ITPR2: variants seen among roughly 807,000 people sequenced by gnomAD.
ITPR2 encodes inositol 1,4,5-trisphosphate-gated calcium channel ITPR2.
Under a neutral mutation model 317.1 loss-of-function variants are expected in ITPR2, and 207 were observed. That is an observed-to-expected ratio of 0.65 (90% CI 0.58 to 0.73). The LOEUF is 0.73. Among genes scored for constraint, ITPR2 ranks in the 30% least tolerant of loss-of-function variants. The pLI is 0.00. For synonymous variants in ITPR2, 1,156 were observed against 1,149.1 expected (o/e 1.01, Z -0.12); for missense variants, 2,613 against 3,284.0 (o/e 0.80, Z 4.99).
chr12:26,794,274 C>A (rs1565771476), intron 1 of ITPR2, among the ~76,000 whole-genome samples: 1 of 152,104 alleles, frequency 6.6e-6, no homozygotes, highest in Non-Finnish European at 1.5e-5. Flanking sequence ...AGTGTAATAT[C>A]TACATGAAAA....
At chr12:26,620,977 T>G in intron 26 of ITPR2, 146 bp downstream of exon 26, 2 of 665,922 alleles carry the variant, frequency 3.0e-6, no homozygotes, top group South Asian at 4.3e-5. Flanking sequence ...CGGAGTTAAT[T>G]GACAACTTAG....
intron 54 of ITPR2, among the ~76,000 whole-genome samples, chr12:26,397,924 G>C (rs868410404): frequency 4.6e-5 from 7 of 152,012 alleles, no homozygotes; most frequent in African/African-American, 1.7e-4. Flanking sequence ...CAGCTACAAA[G>C]ACAACTGAAG....
chr12:26,765,163 G>A (rs142855426), intron 2 of ITPR2, among the ~76,000 whole-genome samples: 27 of 152,058 alleles, frequency 1.8e-4, no homozygotes, highest in Non-Finnish European at 2.5e-4. Flanking sequence ...AAAATAGCCC[G>A]TATTTTCTAT....
chr12:26,672,542 T>C lies in ITPR2; in HGVS notation c.1410-6491A>G, dbSNP rs1477561238. Among the ~76,000 whole-genome samples, 5 of 149,440 alleles carry C rather than the reference T, an allele frequency of 3.3e-5. 1 individual carries two copies. Among genetic ancestry groups the C allele is most frequent in the African/African-American group, 4.9e-5 (2 of 40,620 alleles). Reference sequence around the variant, plus strand: ...AACATACCAGAATCTCTGGGACACATTCAAAGCAGTGTGTAGAGGGAAATT... The same window carrying C: ...AACATACCAGAATCTCTGGGACACACTCAAAGCAGTGTGTAGAGGGAAATT... On this transcript the variant is annotated intron_variant, in intron 13 of 56. Coordinates refer to ENST00000381340, the MANE Select transcript of ITPR2 (RefSeq NM_002223.4).
intron 15 of ITPR2, among the ~76,000 whole-genome samples, chr12:26,662,652 T>C (rs553498935): frequency 6.6e-6 from 1 of 152,344 alleles, no homozygotes; most frequent in Admixed American, 6.5e-5. Context: ...ATTGAACACA[T>C]TGCAAAATAT....
At chr12:26,753,449 A>T (rs1949463901) in intron 2 of ITPR2, among the ~76,000 whole-genome samples, 1 of 152,118 alleles carries the variant, frequency 6.6e-6, no homozygotes. Flanking sequence ...AGCTGATGGG[A>T]CTGCTGGAAA....
chr12:26,378,474 T>C (rs1469338058), intron 55 of ITPR2, among the ~76,000 whole-genome samples: 1 of 152,208 alleles, frequency 6.6e-6, no homozygotes, highest in African/African-American at 2.4e-5. Flanking sequence ...CCAGACTATA[T>C]AAGCAGTCTG....
chr12:26,400,122 G>A lies in ITPR2; in HGVS notation c.7530+6C>T, dbSNP rs1279786246. On this transcript the variant is annotated splice_donor_region_variant and intron_variant, in intron 53 of 56. Coordinates refer to ENST00000381340, the MANE Select transcript of ITPR2 (RefSeq NM_002223.4). ...TCCTTGAAAAAATACTTTTACTCTG[G>A]CTTACATCTTTCGATGGCCTTCTTA... The A allele has an allele frequency of 6.2e-7, 1 of 1,602,996 alleles. No individual in the cohort carries two copies. Among genetic ancestry groups the A allele is most frequent in the East Asian group, 2.2e-5 (1 of 44,640 alleles).
At chr12:26,531,557 C>A (rs1021251906) in intron 37 of ITPR2, among the ~76,000 whole-genome samples, 2 of 152,142 alleles carry the variant, frequency 1.3e-5, no homozygotes, top group African/African-American at 4.8e-5. Flanking sequence ...TGCCTCTTCA[C>A]TTCCAGAATA....
intron 52 of ITPR2, among the ~76,000 whole-genome samples, chr12:26,403,421 T>C (rs568782911): frequency 6.6e-6 from 1 of 152,142 alleles, no homozygotes; most frequent in African/African-American, 2.4e-5. Context: ...TAGTACAAGA[T>C]AAAACATGTA....
intron 54 of ITPR2, among the ~76,000 whole-genome samples, chr12:26,391,547 CTTCTTTTCCTT>C (rs1939838516): frequency 1.2e-5 from 1 of 86,604 alleles, no homozygotes. Context: ...TCTTCTTCTT[CTTCTTTTCCTT>C]TTTTTTTTTT....
intron 30 of ITPR2, among the ~76,000 whole-genome samples, chr12:26,598,300 T>C (rs995267337): frequency 1.3e-5 from 2 of 152,198 alleles, no homozygotes; most frequent in African/African-American, 4.8e-5. Flanking sequence ...GATTTCTAAG[T>C]GGCAGGAGGG....
chr12:26,737,627 C>T (rs1236291537), intron 2 of ITPR2, among the ~76,000 whole-genome samples: 1 of 152,104 alleles, frequency 6.6e-6, no homozygotes, highest in Non-Finnish European at 1.5e-5. Context: ...TGTGCATTTA[C>T]ATAAAAAGCT....
intron 21 of ITPR2, among the ~76,000 whole-genome samples, chr12:26,653,021 T>G (rs1013086344): frequency 4.6e-5 from 7 of 152,166 alleles, no homozygotes; most frequent in African/African-American, 1.7e-4. Context: ...AAGGAAACTG[T>G]GAGAAGGATA....
intron 43 of ITPR2, among the ~76,000 whole-genome samples, chr12:26,479,611 CT>C (rs1219908594): frequency 6.6e-6 from 1 of 152,170 alleles, no homozygotes; most frequent in Non-Finnish European, 1.5e-5. Flanking sequence ...AGCTGACTAT[CT>C]TACAGGCCTA....
At position 26,568,008 on chromosome 12, in the gene ITPR2, A is replaced by ATATATATATATATATATTATATATAT. The variant is rs1945049862; in HGVS notation, c.4631-6057_4631-6056insATATATATAATATATATATATATATA. Among the ~76,000 whole-genome samples, 9 of 5,476 alleles carry ATATATATATATATATATTATATATAT rather than the reference A, an allele frequency of 1.6e-3. No homozygotes were observed. The South Asian group carries it at 0.065, about 40-fold the overall frequency. 3.6% of individuals were successfully genotyped at this position (5,476 alleles called of 152,430 possible). On this transcript the variant is annotated intron_variant, in intron 34 of 56. Transcript: ENST00000381340. ...TATATATATATATATTATATATATT[A>ATATATATATATATATATTATATATAT]TATATATATATATATATATATATAA...
chr12:26,588,588 A>G (rs1463454090), intron 32 of ITPR2, among the ~76,000 whole-genome samples: 1 of 152,224 alleles, frequency 6.6e-6, no homozygotes, highest in Non-Finnish European at 1.5e-5. Context: ...TTCAATGTGC[A>G]TATAAATTAT....
At chr12:26,382,674 C>T (rs541308781) in intron 55 of ITPR2, among the ~76,000 whole-genome samples, 1 of 149,108 alleles carries the variant, frequency 6.7e-6, no homozygotes, top group African/African-American at 2.5e-5. Flanking sequence ...CACACACACA[C>T]ACAAAAAAAA....
At chr12:26,391,250 T>A (rs551209854) in intron 54 of ITPR2, among the ~76,000 whole-genome samples, 1 of 152,362 alleles carries the variant, frequency 6.6e-6, no homozygotes, top group East Asian at 1.9e-4. Flanking sequence ...TTCAGAATGA[T>A]TCAATAAATT....
Sources: gnomAD v4.1 joint callset for allele counts (sites outside exome capture counted in the v4.1 genomes callset) on GRCh38, gnomAD v4.1.1 for gene constraint, MANE v1.5 for transcripts, NCBI Gene and HGNC (gene_info 2026-07-23, HGNC 2026-07-21) for gene names.